The following RBFOX1 variants were observed in gnomAD, a reference collection of about 807,000 sequenced individuals.
RBFOX1 encodes the protein RNA binding fox-1 homolog 1.
Under a neutral mutation model 57.7 loss-of-function variants are expected in RBFOX1, and 8 were observed. The ratio of observed to expected loss-of-function variants is 0.14; its 90% CI spans 0.08 to 0.25. The LOEUF is 0.25. Ranked by LOEUF, RBFOX1 falls within the 10% of genes least tolerant of loss-of-function variation. The pLI is 1.00. For missense variants in RBFOX1, 611 were observed against 548.5 expected (o/e 1.11, Z -1.14); for synonymous variants, 326 against 222.4 (o/e 1.47, Z -4.15).
chr16:6,007,363 A>C (rs2094933783), intron 4 of RBFOX1, among the ~76,000 whole-genome samples: 1 of 152,206 alleles, frequency 6.6e-6, no homozygotes, highest in African/African-American at 2.4e-5. Context: ...CAAGGCACTG[A>C]GGGTGACCAG....
At chr16:7,505,999 C>T (rs2073141039) in intron 4 of RBFOX1, among the ~76,000 whole-genome samples, 1 of 151,736 alleles carries the variant, frequency 6.6e-6, no homozygotes, top group African/African-American at 2.4e-5. Context: ...TCCTGTCTAA[C>T]ATGGTGAAAC....
intron 2 of RBFOX1, among the ~76,000 whole-genome samples, chr16:5,478,819 T>C (rs770172596): frequency 3.9e-5 from 6 of 152,088 alleles, no homozygotes; most frequent in African/African-American, 1.4e-4. Context: ...AGGGCATTTA[T>C]AGGCCCTACT....
intron 3 of RBFOX1, among the ~76,000 whole-genome samples, chr16:6,746,180 A>C (rs939350712): frequency 2.6e-5 from 4 of 152,136 alleles, no homozygotes; most frequent in Admixed American, 1.3e-4. Flanking sequence ...GACTTATCTT[A>C]GTCTCCCCTA....
intron 3 of RBFOX1, among the ~76,000 whole-genome samples, chr16:7,001,398 T>G (rs9746954): frequency 0.043 from 4,350 of 100,292 alleles, 108 homozygotes; most frequent in African/African-American, 0.07. Flanking sequence ...GTATGTGTAT[T>G]TGTATATGTA....
intron 3 of RBFOX1, among the ~76,000 whole-genome samples, chr16:6,765,211 G>C (rs1418786513): frequency 6.6e-6 from 1 of 152,138 alleles, no homozygotes; most frequent in Admixed American, 6.5e-5. Context: ...TGGACTAAAG[G>C]CTGGAGGAAC....
intron 4 of RBFOX1, among the ~76,000 whole-genome samples, chr16:7,072,613 C>G (rs1345543475): frequency 6.6e-6 from 1 of 152,180 alleles, no homozygotes; most frequent in Admixed American, 6.5e-5. Context: ...AACCGTTATT[C>G]TAGAAAGCTG....
chr16:5,399,876 C>T (rs549138638), intron 1 of RBFOX1, among the ~76,000 whole-genome samples: 2 of 152,060 alleles, frequency 1.3e-5, no homozygotes, highest in South Asian at 4.2e-4. Flanking sequence ...AGTGGTTTAT[C>T]AGCAATTTTG....
chr16:6,867,124 G>T (rs987694505), intron 3 of RBFOX1, among the ~76,000 whole-genome samples: 1 of 152,102 alleles, frequency 6.6e-6, no homozygotes, highest in African/African-American at 2.4e-5. Context: ...TGATAAAGCA[G>T]TCAGGTTTTA....
At chr16:6,842,180 A>C in intron 3 of RBFOX1, among the ~76,000 whole-genome samples, 1 of 151,784 alleles carries the variant, frequency 6.6e-6, no homozygotes, top group East Asian at 1.9e-4. Flanking sequence ...ATAAATAAAT[A>C]AATAAATAAA....
chr16:7,709,569 T>G, intron 15 of RBFOX1: 1 of 1,529,790 alleles, frequency 6.5e-7, no homozygotes, highest in Non-Finnish European at 8.8e-7. Context: ...GTCAGGCAGC[T>G]GAGAATCTGA....
chr16:7,103,430 A>G (rs1233194522), intron 4 of RBFOX1, among the ~76,000 whole-genome samples: 2 of 152,178 alleles, frequency 1.3e-5, no homozygotes, highest in South Asian at 2.1e-4. Flanking sequence ...CTAGCTAGGA[A>G]GCAGAAGGCC....
chr16:7,035,217 G>C (rs1318495090), intron 3 of RBFOX1, among the ~76,000 whole-genome samples: 1 of 151,930 alleles, frequency 6.6e-6, no homozygotes, highest in Non-Finnish European at 1.5e-5. Flanking sequence ...CTCACTTTGA[G>C]TGTTAAGATC....
chr16:7,221,673 T>C (rs1487180476), intron 4 of RBFOX1, among the ~76,000 whole-genome samples: 1 of 152,210 alleles, frequency 6.6e-6, no homozygotes. Flanking sequence ...GCCGTTGACT[T>C]ATTTATTTGT....
chr16:5,388,608 G>C (rs111414839), intron 1 of RBFOX1, among the ~76,000 whole-genome samples: 2 of 151,910 alleles, frequency 1.3e-5, no homozygotes, highest in Non-Finnish European at 2.9e-5. Flanking sequence ...ACAGAGTCTC[G>C]CTCTGTCACC....
At chr16:5,778,594 G>T (rs997551040) in intron 3 of RBFOX1, among the ~76,000 whole-genome samples, 2 of 152,190 alleles carry the variant, frequency 1.3e-5, no homozygotes, top group South Asian at 2.1e-4. Flanking sequence ...ATGGCGTGCT[G>T]TGTCTGCCTC....
At chr16:6,392,178 C>A (rs1288535584) in intron 2 of RBFOX1, among the ~76,000 whole-genome samples, 1 of 152,112 alleles carries the variant, frequency 6.6e-6, no homozygotes. Flanking sequence ...TTGAAAAGAC[C>A]GTTTCTAAAA....
chr16:6,733,775 T>C (rs1465442464), intron 3 of RBFOX1, among the ~76,000 whole-genome samples: 3 of 152,052 alleles, frequency 2.0e-5, no homozygotes, highest in African/African-American at 2.4e-5. Context: ...AATTCTGACC[T>C]CTGAAATCTG....
chr16:5,904,700 G>C (rs1051885978), intron 4 of RBFOX1, among the ~76,000 whole-genome samples: 1 of 151,992 alleles, frequency 6.6e-6, no homozygotes, highest in East Asian at 2.0e-4. Flanking sequence ...CAGATGGGCC[G>C]GGCACAGTGT....
At chr16:5,596,063 C>G (rs2047170408) in intron 2 of RBFOX1, among the ~76,000 whole-genome samples, 1 of 152,076 alleles carries the variant, frequency 6.6e-6, no homozygotes, top group Non-Finnish European at 1.5e-5. Flanking sequence ...AAAGAGGACA[C>G]CAGGCCTCTG....
Sources: allele counts gnomAD v4.1 joint callset (sites outside exome capture counted in the v4.1 genomes callset), GRCh38; gene constraint gnomAD v4.1.1; transcripts MANE v1.5; gene names NCBI Gene and HGNC (gene_info 2026-07-23, HGNC 2026-07-21).